CEP20: variants seen among roughly 807,000 people sequenced by gnomAD.
CEP20 encodes FGFR1OP N-terminal like.
Under a neutral mutation model 20.0 loss-of-function variants are expected in CEP20, and 18 were observed. That is an observed-to-expected ratio of 0.90 (90% confidence interval 0.62 to 1.34). The LOEUF (loss-of-function observed/expected upper bound fraction) is 1.34, where lower values mean the gene tolerates loss of function less well. CEP20 is among the 40% of genes most tolerant of loss of function. The pLI, the probability that CEP20 is intolerant of heterozygous loss-of-function variation, is 0.00. For synonymous variants in CEP20, 77 were observed against 73.7 expected, an observed-to-expected ratio of 1.04 and a Z score of -0.23; for missense variants, 215 against 201.6, an observed-to-expected ratio of 1.07 and a Z score of -0.40.
chr16:15,870,727 A>C (rs1171378122), intron 4 of CEP20, among the ~76,000 whole-genome samples: 1 of 151,988 alleles, frequency 6.6e-6, no homozygotes, highest in African/African-American at 2.4e-5. Context: ...ATGTGGAAAG[A>C]CTGATCCCAG....
chr16:15,886,107 T>C (rs1195068054), intron 1 of CEP20: 1 of 152,204 alleles, frequency 6.6e-6, no homozygotes, highest in Admixed American at 6.5e-5. Context: ...GGGAAATCAA[T>C]GTAGTTTAAC....
At chr16:15,870,418 C>A (rs2044785733) in intron 4 of CEP20, among the ~76,000 whole-genome samples, 1 of 152,124 alleles carries the variant, frequency 6.6e-6, no homozygotes. Context: ...GGGAATTAGA[C>A]AATATCTACT....
intron 2 of CEP20, among the ~76,000 whole-genome samples, chr16:15,882,774 T>TACACACACACACACACACA (rs879853404): frequency 4.4e-5 from 3 of 68,600 alleles, no homozygotes; most frequent in East Asian, 9.0e-4. Flanking sequence ...TATCTATCTA[T>TACACACACACACACACACA]CTATCTAGAT....
intron 3 of CEP20, among the ~76,000 whole-genome samples, chr16:15,876,117 C>T (rs1024688434): frequency 6.7e-6 from 1 of 148,528 alleles, no homozygotes; most frequent in African/African-American, 2.5e-5. Flanking sequence ...TGGAATACTA[C>T]TTTAGGACTC....
chr16:15,879,043 T>C (rs187397396), intron 3 of CEP20, among the ~76,000 whole-genome samples: 2 of 150,600 alleles, frequency 1.3e-5, no homozygotes, highest in Admixed American at 1.3e-4. Context: ...ATACAGGGAC[T>C]CTCCAGAAAA....
At chr16:15,877,826 G>A (rs1239837400) in intron 3 of CEP20, among the ~76,000 whole-genome samples, 2 of 150,416 alleles carry the variant, frequency 1.3e-5, no homozygotes, top group African/African-American at 4.9e-5. Context: ...AGGTGGAGGT[G>A]GGCAGATCAC....
rs780419616 is a variant in CEP20, at chr16:15,873,685, A to G, written c.312-58T>C. ...AGCTAATAAATCTGCATAAACGGGA[A>G]AAGCTTAAAACATTTATTCTTTAAA... On this transcript the variant is annotated intron_variant, in intron 3 of 4. Transcript: ENST00000255759. The G allele has an allele frequency of 4.3e-4, 651 of 1,531,560 alleles. 1 individual carries two copies. Among genetic ancestry groups the G allele is most frequent in the Non-Finnish European group, 5.3e-4 (597 of 1,134,010 alleles). 94.9% of individuals were successfully genotyped at this position (1,531,560 alleles called of 1,614,324 possible).
chr16:15,872,822 C>T (rs777802442), intron 4 of CEP20, among the ~76,000 whole-genome samples: 20 of 151,524 alleles, frequency 1.3e-4, no homozygotes, highest in Admixed American at 2.6e-4. Flanking sequence ...ATTTAAAAAA[C>T]AGGCAATCTG....
intron 4 of CEP20, among the ~76,000 whole-genome samples, chr16:15,871,415 A>G (rs1317781980): frequency 6.6e-6 from 1 of 152,156 alleles, no homozygotes; most frequent in East Asian, 1.9e-4. Context: ...GGAAAGTTAA[A>G]GGGAACTTTT....
At chr16:15,885,088 G>C (rs556411638) in intron 1 of CEP20, 18 of 151,986 alleles carry the variant, frequency 1.2e-4, no homozygotes, top group African/African-American at 2.9e-4. Flanking sequence ...GGCGGATCAC[G>C]AGATCAGCAA....
rs766713976 is a variant in CEP20, at chr16:15,884,050, C to T, written c.184G>A (p.Glu62Lys). ...GCTGTATACTTATATTTGTTGAATT[C>T]TAAATACTCTCGAATTAATTCATTA... ...LINELIREYL[E>K]FNKYKYTASV... The change falls in exon 2 of 5, where the codon GAA becomes AAA. Residue 62 changes from glutamate (E) to lysine (K), a missense_variant. Glu to Lys is a moderately conservative substitution (Grantham distance 56). Coordinates refer to ENST00000255759, the MANE Select transcript of CEP20 (RefSeq NM_144600.4). 6.2e-7 allele frequency: 1 copy of T among 1,613,742 alleles called. No homozygotes were observed. Among genetic ancestry groups the T allele is most frequent in the South Asian group, 1.1e-5 (1 of 91,074 alleles).
intron 4 of CEP20, among the ~76,000 whole-genome samples, chr16:15,869,650 G>A (rs1038113635): frequency 6.6e-6 from 1 of 152,050 alleles, no homozygotes. Context: ...TAGTTTCAGG[G>A]TTTGATATTT....
chr16:15,873,907 G>C (rs1190185975), intron 3 of CEP20, among the ~76,000 whole-genome samples: 3 of 142,896 alleles, frequency 2.1e-5, no homozygotes, highest in African/African-American at 8.4e-5. Flanking sequence ...CAATCCACAG[G>C]AATCTCTTTT....
intron 4 of CEP20, among the ~76,000 whole-genome samples, chr16:15,870,505 G>GA (rs1292850518): frequency 2.0e-5 from 3 of 152,100 alleles, no homozygotes; most frequent in Admixed American, 2.0e-4. Context: ...TGTAGACAAA[G>GA]ATACAATGTT....
At chr16:15,888,527 C>G in intron 1 of CEP20, 31 bp downstream of exon 1, 2 of 1,614,104 alleles carry the variant, frequency 1.2e-6, no homozygotes, top group Non-Finnish European at 1.7e-6. Flanking sequence ...CCCGACGCTT[C>G]CCATGTGGAG....
At chr16:15,883,122 G>A (rs12596506) in intron 2 of CEP20, 10,497 of 152,204 alleles carry the variant, frequency 0.069, 482 homozygotes, top group East Asian at 0.22. Flanking sequence ...AGCATTTGGG[G>A]AGTGTGAGAT....
chr16:15,879,082 A>C (rs150894031), intron 3 of CEP20, among the ~76,000 whole-genome samples: 1 of 152,036 alleles, frequency 6.6e-6, no homozygotes, highest in Non-Finnish European at 1.5e-5. Flanking sequence ...ATAGAAAAAA[A>C]CTAAGAAAAC....
intron 3 of CEP20, among the ~76,000 whole-genome samples, chr16:15,875,447 A>C (rs1032783765): frequency 3.9e-5 from 6 of 151,998 alleles, no homozygotes; most frequent in Non-Finnish European, 8.8e-5. Flanking sequence ...CAGGAGTTTG[A>C]GACAGCCTGA....
At chr16:15,873,750 G>A in intron 3 of CEP20, 123 bp from the exon 4 acceptor site, 1 of 1,145,842 alleles carries the variant, frequency 8.7e-7, no homozygotes, top group South Asian at 2.2e-5. Context: ...TGATTCACTA[G>A]ACTTTAAAAA....
Sources: allele counts gnomAD v4.1 joint callset (sites outside exome capture counted in the v4.1 genomes callset), GRCh38; gene constraint gnomAD v4.1.1; transcripts MANE v1.5; gene names NCBI Gene and HGNC (gene_info 2026-07-23, HGNC 2026-07-21).